Variants in PARD3 observed in about 807,000 individuals in gnomAD.
PARD3 encodes partitioning defective 3 homolog.
PARD3 carries 75 observed loss-of-function variants against 155.4 expected under a neutral mutation model. The observed-to-expected ratio is 0.48, with a 90% confidence interval of 0.40 to 0.58. PARD3 has a LOEUF of 0.58. Among genes scored for constraint, PARD3 ranks in the 20% least tolerant of loss-of-function variants. The probability of loss-of-function intolerance (pLI) is 0.00; values close to 1 mark genes in which losing one functional copy is unlikely to be tolerated. For missense variants in PARD3, 1,642 were observed against 1,721.7 expected (o/e 0.95, Z 0.82); for synonymous variants, 576 against 610.5 (o/e 0.94, Z 0.83).
chr10:34,471,589 C>A (rs573362948), intron 3 of PARD3, among the ~76,000 whole-genome samples: 2 of 152,340 alleles, frequency 1.3e-5, no homozygotes, highest in South Asian at 4.1e-4. Flanking sequence ...GAGTCTGGCT[C>A]TGTCACCCAG....
chr10:34,364,692 C>G (rs1839799587), intron 12 of PARD3, among the ~76,000 whole-genome samples: 1 of 152,156 alleles, frequency 6.6e-6, no homozygotes, highest in Admixed American at 6.5e-5. Context: ...CCTTGGCCTC[C>G]CAATATGCTG....
At chr10:34,336,414 A>C in intron 17 of PARD3, 171 bp from the exon 18 acceptor site, 1 of 564,644 alleles carries the variant, frequency 1.8e-6, no homozygotes, top group Non-Finnish European at 3.2e-6. Flanking sequence ...AAAAAAAAGC[A>C]GTGTCTCCAT....
intron 22 of PARD3, among the ~76,000 whole-genome samples, chr10:34,228,365 G>A (rs1274589826): frequency 6.6e-6 from 1 of 151,990 alleles, no homozygotes; most frequent in African/African-American, 2.4e-5. Context: ...ATTTGCCCAT[G>A]TAACAAACTT....
chr10:34,422,231 T>C (rs547844908), intron 5 of PARD3, among the ~76,000 whole-genome samples: 1 of 152,280 alleles, frequency 6.6e-6, no homozygotes, highest in African/African-American at 2.4e-5. Flanking sequence ...GTGTGACCTT[T>C]AGCAAATAAT....
chr10:34,688,134 T>TG (rs1475135872), intron 2 of PARD3, among the ~76,000 whole-genome samples: 1 of 152,198 alleles, frequency 6.6e-6, no homozygotes, highest in Non-Finnish European at 1.5e-5. Flanking sequence ...ATTACAGGCC[T>TG]GAGCCATGGC....
At chr10:34,779,720 T>C (rs1840030725) in intron 1 of PARD3, among the ~76,000 whole-genome samples, 1 of 152,232 alleles carries the variant, frequency 6.6e-6, no homozygotes, top group African/African-American at 2.4e-5. Flanking sequence ...GAAAGATGCA[T>C]TACCTGACAC....
intron 1 of PARD3, among the ~76,000 whole-genome samples, chr10:34,785,439 CT>C (rs35412165): frequency 3.3e-4 from 48 of 146,888 alleles, no homozygotes; most frequent in Middle Eastern, 3.4e-3. Flanking sequence ...TTGCATCATA[CT>C]TTTTTTTTTT....
chr10:34,347,978 G>C lies in PARD3; in HGVS notation c.2205C>G (p.Leu735=), dbSNP rs1440958667. 1.2e-6 allele frequency: 2 copies of C among 1,612,014 alleles called. No homozygotes were observed. The highest frequency in any genetic ancestry group is 8.5e-7 in the Non-Finnish European group (1 of 1,179,110). ...TACCTGACTCACCCATTATCCTACTGAGGGCAGCATTTCTGCTGGGCGATT... is the reference window on the plus strand; with the variant it reads ...TACCTGACTCACCCATTATCCTACTCAGGGCAGCATTTCTGCTGGGCGATT... ...LDESPSRNAA[L]SRIMGKYQLS... Residue 735 remains leucine, a synonymous_variant, in exon 15 of 25, where the codon CTC becomes CTG. Transcript: ENST00000374788.
chr10:34,414,741 T>A (rs190510864), intron 5 of PARD3, among the ~76,000 whole-genome samples: 1 of 152,038 alleles, frequency 6.6e-6, no homozygotes, highest in Non-Finnish European at 1.5e-5. Context: ...CCCAAGGTGA[T>A]AGACATGCCC....
Position 34,119,824 on chromosome 10 carries a change from T to A in PARD3, c.3541-84A>T, listed in dbSNP as rs139794402. 3.9e-4 allele frequency: 482 copies of A among 1,226,714 alleles called. 1 individual carries two copies. In the African/African-American group the frequency reaches 6.5e-3, roughly 17 times the overall value. 76.0% of individuals were successfully genotyped at this position (1,226,714 alleles called of 1,614,324 possible). A position where few individuals can be genotyped will look rare whatever the true frequency, so the allele number is the denominator to read the frequency against. ...CTGGTTGACTCCATTTCGATTCTTA[T>A]GAATTGACTTTGAAAATTTTGAAAA... On this transcript the variant is annotated intron_variant, in intron 23 of 24. Coordinates refer to ENST00000374788, the MANE Select transcript of PARD3 (RefSeq NM_001184785.2).
chr10:34,267,461 G>A (rs1955378738), intron 22 of PARD3, among the ~76,000 whole-genome samples: 1 of 152,086 alleles, frequency 6.6e-6, no homozygotes, highest in African/African-American at 2.4e-5. Context: ...ATATCAAACA[G>A]ACCTACAGAT....
intron 2 of PARD3, among the ~76,000 whole-genome samples, chr10:34,686,226 T>C (rs1434623806): frequency 2.6e-5 from 4 of 152,190 alleles, no homozygotes; most frequent in African/African-American, 9.6e-5. Flanking sequence ...CTGTGAAATG[T>C]TAACAAATTA....
chr10:34,728,547 A>C (rs1399769852), intron 1 of PARD3, among the ~76,000 whole-genome samples: 1 of 152,164 alleles, frequency 6.6e-6, no homozygotes, highest in African/African-American at 2.4e-5. Flanking sequence ...AGTACTCTCC[A>C]CTTTAAACTG....
intron 2 of PARD3, among the ~76,000 whole-genome samples, chr10:34,656,882 A>G (rs1229493938): frequency 6.6e-6 from 1 of 152,234 alleles, no homozygotes; most frequent in Non-Finnish European, 1.5e-5. Flanking sequence ...TGCTACATAA[A>G]AATTGCAAAA....
chr10:34,695,417 G>C (rs1259646858), intron 2 of PARD3, among the ~76,000 whole-genome samples: 1 of 149,646 alleles, frequency 6.7e-6, no homozygotes, highest in Non-Finnish European at 1.5e-5. Flanking sequence ...AGAGGTTGCA[G>C]TGAGCAGCCG....
At chr10:34,195,386 T>A (rs760010148) in intron 22 of PARD3, among the ~76,000 whole-genome samples, 7 of 152,008 alleles carry the variant, frequency 4.6e-5, no homozygotes, top group Admixed American at 1.3e-4. Context: ...GTGCATATAA[T>A]GAATACAATG....
intron 2 of PARD3, among the ~76,000 whole-genome samples, chr10:34,521,364 C>CA (rs35030184): frequency 0.091 from 8,194 of 90,226 alleles, 453 homozygotes; most frequent in African/African-American, 0.16. Flanking sequence ...AGTAACACAG[C>CA]AAAAAAAAAA....
chr10:34,442,976 A>AT (rs568731568), intron 5 of PARD3, among the ~76,000 whole-genome samples: 8,302 of 148,908 alleles, frequency 0.056, 261 homozygotes, highest in Middle Eastern at 0.096. Flanking sequence ...GGGAAATGAG[A>AT]TTTTTTTTTT....
At chr10:34,311,259 AT>A (rs1005146341) in intron 20 of PARD3, among the ~76,000 whole-genome samples, 25 of 151,626 alleles carry the variant, frequency 1.6e-4, no homozygotes, top group East Asian at 5.8e-4. Flanking sequence ...TCAGTTATTT[AT>A]TTTTTTTTAT....
Sources: allele counts gnomAD v4.1 joint callset (sites outside exome capture counted in the v4.1 genomes callset), GRCh38; gene constraint gnomAD v4.1.1; transcripts MANE v1.5; gene names NCBI Gene and HGNC (gene_info 2026-07-23, HGNC 2026-07-21).